The following RIMS2 variants were observed in gnomAD, a reference collection of about 807,000 sequenced individuals.
RIMS2 encodes the protein regulating synaptic membrane exocytosis 2.
A neutral mutation model predicts 174.4 loss-of-function variants in RIMS2; 59 were observed. That is an observed-to-expected ratio of 0.34 (90% CI 0.27 to 0.42). The LOEUF is 0.42. Among genes scored for constraint, RIMS2 ranks in the 10% least tolerant of loss-of-function variants. The probability of loss-of-function intolerance (pLI) is 1.00; values close to 1 mark genes in which losing one functional copy is unlikely to be tolerated. For missense variants in RIMS2, 1,620 were observed against 1,666.3 expected (o/e 0.97, Z 0.48); for synonymous variants, 606 against 572.5 (o/e 1.06, Z -0.84).
At chr8:103,869,440 G>T (rs553495143) in intron 3 of RIMS2, among the ~76,000 whole-genome samples, 2 of 150,842 alleles carry the variant, frequency 1.3e-5, no homozygotes, top group African/African-American at 4.9e-5. Flanking sequence ...CAAGTGATCC[G>T]CCCATCTTGG....
At chr8:104,189,306 T>A (rs2098985279) in intron 19 of RIMS2, among the ~76,000 whole-genome samples, 1 of 151,868 alleles carries the variant, frequency 6.6e-6, no homozygotes, top group African/African-American at 2.4e-5. Flanking sequence ...TAGAGACACA[T>A]TCCACCACCT....
chr8:103,722,405 C>G (rs2097461407), intron 2 of RIMS2, among the ~76,000 whole-genome samples: 1 of 151,966 alleles, frequency 6.6e-6, no homozygotes, highest in Non-Finnish European at 1.5e-5. Flanking sequence ...GAGCTCTGAG[C>G]CTGTTTTCCT....
At position 103,892,369 on chromosome 8, in the gene RIMS2, A is replaced by AT. The variant is rs1014539736; in HGVS notation, c.1624+6154dup. Reference sequence around the variant, plus strand: ...AGGCTTTCACCACCGAGCCCAGCTAATTTTTTTTATTTTTATTAGAGATGA... The same window carrying AT: ...AGGCTTTCACCACCGAGCCCAGCTAATTTTTTTTTATTTTTATTAGAGATGA... On this transcript the variant is annotated intron_variant, in intron 4 of 23. Transcript: ENST00000504942. Among the ~76,000 whole-genome samples the AT allele has an allele frequency of 5.9e-5, 9 of 151,272 alleles. 1 individual carries two copies. Among genetic ancestry groups the AT allele is most frequent in the Admixed American group, 2.0e-4 (3 of 15,160 alleles).
chr8:103,706,057 T>G (rs1166692995), intron 2 of RIMS2, among the ~76,000 whole-genome samples: 2 of 152,020 alleles, frequency 1.3e-5, no homozygotes, highest in Non-Finnish European at 2.9e-5. Context: ...TTGCTTTTTA[T>G]TTTTAGTGGA....
At chr8:103,852,051 C>T (rs933775073) in intron 3 of RIMS2, among the ~76,000 whole-genome samples, 2 of 151,932 alleles carry the variant, frequency 1.3e-5, no homozygotes, top group Non-Finnish European at 2.9e-5. Context: ...TACTCCAAGA[C>T]GGGATAGACA....
At chr8:104,184,964 T>G (rs1192748567) in intron 19 of RIMS2, among the ~76,000 whole-genome samples, 1 of 151,488 alleles carries the variant, frequency 6.6e-6, no homozygotes. Context: ...GGAATGCTTT[T>G]TTGTTTGACT....
At chr8:103,629,706 G>A (rs894883807) in intron 1 of RIMS2, among the ~76,000 whole-genome samples, 1 of 151,822 alleles carries the variant, frequency 6.6e-6, no homozygotes, top group African/African-American at 2.4e-5. Context: ...ATATTTTAAA[G>A]CAGTTATCAT....
intron 19 of RIMS2, among the ~76,000 whole-genome samples, chr8:104,051,448 G>A (rs1013387384): frequency 1.3e-5 from 2 of 152,016 alleles, no homozygotes; most frequent in African/African-American, 4.8e-5. Context: ...TGATAGGCTT[G>A]TTTAGAGTAA....
chr8:103,607,623 C>G (rs1361478798), intron 1 of RIMS2, among the ~76,000 whole-genome samples: 2 of 143,298 alleles, frequency 1.4e-5, no homozygotes, highest in Non-Finnish European at 3.1e-5. Context: ...TTCTCCCCAT[C>G]ACTTTCAGGT....
chr8:104,005,201 A>T (rs555337870), intron 17 of RIMS2, among the ~76,000 whole-genome samples: 12 of 152,320 alleles, frequency 7.9e-5, no homozygotes, highest in East Asian at 1.9e-4. Flanking sequence ...TGACTAAGGG[A>T]TAGTGATTGG....
intron 19 of RIMS2, among the ~76,000 whole-genome samples, chr8:104,115,542 G>A (rs1321727330): frequency 3.3e-5 from 5 of 152,238 alleles, no homozygotes; most frequent in African/African-American, 1.2e-4. Context: ...AAATAGGAAA[G>A]TGAACATAGA....
chr8:104,102,309 C>A (rs2097917847), intron 19 of RIMS2, among the ~76,000 whole-genome samples: 1 of 152,146 alleles, frequency 6.6e-6, no homozygotes, highest in Non-Finnish European at 1.5e-5. Flanking sequence ...TATCTTTGCA[C>A]CTGCTCAAAC....
intron 3 of RIMS2, among the ~76,000 whole-genome samples, chr8:103,857,069 A>G (rs981390319): frequency 5.3e-5 from 8 of 152,148 alleles, no homozygotes; most frequent in Non-Finnish European, 1.0e-4. Context: ...TTTTTCCCCT[A>G]CAAATCTGCA....
intron 19 of RIMS2, among the ~76,000 whole-genome samples, chr8:104,219,868 C>T (rs988111545): frequency 2.6e-5 from 4 of 152,064 alleles, no homozygotes; most frequent in Admixed American, 1.3e-4. Flanking sequence ...GAAGGAAGGA[C>T]ATTTTCAATC....
chr8:103,870,364 T>TCACCACCACCACCACCAG (rs1420063467), intron 3 of RIMS2, among the ~76,000 whole-genome samples: 469 of 151,078 alleles, frequency 3.1e-3, no homozygotes, highest in Middle Eastern at 0.021. Context: ...ACCACCACCA[T>TCACCACCACCACCACCAG]CACCACCACC....
Position 104,014,631 on chromosome 8 carries a change from A to G in RIMS2, c.3334+16A>G, listed in dbSNP as rs1227454264. On this transcript the variant is annotated intron_variant, in intron 19 of 23. Transcript: ENST00000504942. ...TTGGATAGAAGTAAGTTTTATTTCT[A>G]ATTGTCTCGTTTAGGAAATACACAT... 6.7e-7 allele frequency: 1 copy of G among 1,498,244 alleles called. No homozygotes were observed. The highest frequency in any genetic ancestry group is 9.3e-7 in the Non-Finnish European group (1 of 1,075,316). The allele number at this position is 1,498,244 out of a possible 1,614,324, so 92.8% of individuals were successfully genotyped here. A position where few individuals can be genotyped will look rare whatever the true frequency, so the allele number is the denominator to read the frequency against.
chr8:103,812,809 T>C (rs1423162269), intron 3 of RIMS2, among the ~76,000 whole-genome samples: 1 of 152,224 alleles, frequency 6.6e-6, no homozygotes, highest in Non-Finnish European at 1.5e-5. Flanking sequence ...CAGGGAAATA[T>C]AGAATACTTT....
chr8:103,712,698 G>A (rs1470277320), intron 2 of RIMS2, among the ~76,000 whole-genome samples: 1 of 152,058 alleles, frequency 6.6e-6, no homozygotes, highest in African/African-American at 2.4e-5. Flanking sequence ...ACTGCAGGAT[G>A]GTAAAACAGA....
At chr8:103,577,860 G>T (rs2093357223) in intron 1 of RIMS2, among the ~76,000 whole-genome samples, 1 of 152,048 alleles carries the variant, frequency 6.6e-6, no homozygotes, top group South Asian at 2.1e-4. Context: ...TGAAGCAGAG[G>T]TAAGAATTAG....
Sources: allele counts gnomAD v4.1 joint callset (sites outside exome capture counted in the v4.1 genomes callset), GRCh38; gene constraint gnomAD v4.1.1; transcripts MANE v1.5; gene names NCBI Gene and HGNC (gene_info 2026-07-23, HGNC 2026-07-21).